Variants in ACACA observed in about 807,000 individuals in gnomAD.
ACACA encodes the protein acetyl-CoA carboxylase 1.
Under a neutral mutation model 296.1 loss-of-function variants are expected in ACACA, and 103 were observed. The ratio of observed to expected loss-of-function variants is 0.35; its 90% CI spans 0.30 to 0.41. The LOEUF is 0.41. ACACA is among the 10% of genes least tolerant of loss of function. ACACA has a pLI of 1.00. For missense variants in ACACA, 1,554 were observed against 2,989.7 expected (o/e 0.52, Z 11.20); for synonymous variants, 953 against 1,038.6 (o/e 0.92, Z 1.58).
At chr17:37,284,697 G>A in intron 4 of ACACA, 141 bp downstream of exon 4, 1 of 995,118 alleles carries the variant, frequency 1.0e-6, no homozygotes. Context: ...TGCTAGGGAG[G>A]CAGAAAGGCT....
chr17:37,261,332 G>C (rs1030290847), intron 11 of ACACA, among the ~76,000 whole-genome samples: 1 of 152,232 alleles, frequency 6.6e-6, no homozygotes, highest in African/African-American at 2.4e-5. Context: ...GCTAAGCACA[G>C]AAGCCAGTAA....
intron 35 of ACACA, among the ~76,000 whole-genome samples, chr17:37,199,204 C>T (rs2078136774): frequency 6.7e-6 from 1 of 149,450 alleles, no homozygotes; most frequent in African/African-American, 2.5e-5. Context: ...TGCGCCACTG[C>T]ACTCCAGCCT....
chr17:37,176,783 A>T (rs1486332917), intron 41 of ACACA, among the ~76,000 whole-genome samples: 1 of 152,152 alleles, frequency 6.6e-6, no homozygotes, highest in Non-Finnish European at 1.5e-5. Context: ...AGCTATTGGT[A>T]GCAGAGTTTG....
At chr17:37,168,598 T>G (rs2076771771) in intron 41 of ACACA, among the ~76,000 whole-genome samples, 2 of 152,152 alleles carry the variant, frequency 1.3e-5, no homozygotes, top group South Asian at 4.1e-4. Context: ...GAACTAATTC[T>G]AGATTTTAGT....
chr17:37,295,576 G>A (rs573011139), intron 3 of ACACA, among the ~76,000 whole-genome samples: 4 of 152,122 alleles, frequency 2.6e-5, no homozygotes, highest in African/African-American at 9.6e-5. Flanking sequence ...ATAACATGAG[G>A]TCAGGAGTTC....
chr17:37,313,406 CAACA>C (rs2046941378), intron 3 of ACACA, among the ~76,000 whole-genome samples: 1 of 151,946 alleles, frequency 6.6e-6, no homozygotes, highest in Non-Finnish European at 1.5e-5. Context: ...ATTTTCATTT[CAACA>C]AACAGTATCT....
intron 44 of ACACA, among the ~76,000 whole-genome samples, chr17:37,150,987 G>A (rs1257640649): frequency 6.6e-6 from 1 of 151,986 alleles, no homozygotes; most frequent in African/African-American, 2.4e-5. Context: ...GGGAGGCGGA[G>A]GTTGCAGTGA....
At chr17:37,358,872 T>G (rs1482304551) in intron 1 of ACACA, 2 of 868,550 alleles carry the variant, frequency 2.3e-6, no homozygotes, top group Non-Finnish European at 2.8e-6. Flanking sequence ...ATCTGGATAG[T>G]GTGGAGCCCA....
At chr17:37,330,525 G>A in intron 2 of ACACA, 100 bp from the exon 3 acceptor site, 3 of 1,474,626 alleles carry the variant, frequency 2.0e-6, no homozygotes, top group Non-Finnish European at 2.8e-6. Flanking sequence ...CTGAGACGTG[G>A]AAGCAAGGCA....
chr17:37,181,354 G>T lies in ACACA; in HGVS notation c.4779C>A (p.Ile1593=), dbSNP rs763027565. ...GTTTGTCTCCATATGCCTGAAACAT[G>T]ATCTGCAGGAAAAAAAAATGGCATG... ...KEVTDSRTAQ[I]MFQAYGDKQG... The change falls in exon 40 of 56, where the codon ATC becomes ATA. Residue 1593 remains isoleucine (I), a splice_region_variant and synonymous_variant. Transcript: ENST00000616317. 5.6e-6 allele frequency: 9 copies of T among 1,613,430 alleles called. No homozygotes were observed. The highest frequency in any genetic ancestry group is 1.6e-4 in the Middle Eastern group (1 of 6,078).
chr17:37,191,955 C>T (rs1361651892), intron 37 of ACACA, 135 bp downstream of exon 37: 2 of 909,290 alleles, frequency 2.2e-6, no homozygotes, highest in African/African-American at 3.4e-5. Flanking sequence ...GAACAAGAAC[C>T]TTGATTCAAA....
intron 45 of ACACA, among the ~76,000 whole-genome samples, chr17:37,135,310 G>A (rs767855784): frequency 2.0e-5 from 3 of 152,190 alleles, no homozygotes; most frequent in Non-Finnish European, 4.4e-5. Flanking sequence ...TAGGCAAAGC[G>A]TTATAATTTT....
intron 11 of ACACA, among the ~76,000 whole-genome samples, chr17:37,260,272 ATATATATATATATATATATATATATTTTT>A (rs1356279533): frequency 8.0e-5 from 2 of 25,132 alleles, no homozygotes; most frequent in African/African-American, 2.3e-4. Context: ...ATATATATAT[ATATATATATATATATATATATATATTTTT>A]TTTTTTTTTT....
chr17:37,299,871 C>T (rs1426070805), intron 3 of ACACA: 1 of 888,770 alleles, frequency 1.1e-6, no homozygotes, highest in Admixed American at 6.0e-5. Flanking sequence ...AGGAGCACAG[C>T]TCGGTCTAAA....
chr17:37,122,794 A>G (rs2074592139), intron 48 of ACACA, 167 bp from the exon 49 acceptor site: 2 of 702,138 alleles, frequency 2.8e-6, no homozygotes, highest in East Asian at 2.7e-5. Flanking sequence ...TACGGATTTG[A>G]TATTTACTCT....
intron 2 of ACACA, among the ~76,000 whole-genome samples, chr17:37,332,607 C>CAAAAAA (rs35940399): frequency 1.6e-5 from 1 of 63,852 alleles, no homozygotes. Context: ...CCCATCTGTA[C>CAAAAAA]AAAAAAAAAA....
rs201086587 is a variant in ACACA, at chr17:37,212,904, C to CAA, written c.3684-2416_3684-2415dup. Among the ~76,000 whole-genome samples the CAA allele has an allele frequency of 6.9e-3, 807 of 117,236 alleles. 6 individuals are homozygous for CAA. Among genetic ancestry groups the CAA allele is most frequent in the African/African-American group, 0.022 (726 of 32,590 alleles). The allele number at this position is 117,236 out of a possible 152,430, so 76.9% of individuals were successfully genotyped here. ...AGAAAGCTAGATTAACACTCTGTAC[C>CAA]AAAAAAAAAAAAAAGCCACACACAC... is the stretch of plus-strand genomic sequence containing the variant. On this transcript the variant is annotated intron_variant, in intron 29 of 55. Transcript: ENST00000616317.
intron 29 of ACACA, among the ~76,000 whole-genome samples, chr17:37,213,382 A>G (rs2078845709): frequency 6.6e-6 from 1 of 151,796 alleles, no homozygotes; most frequent in African/African-American, 2.4e-5. Flanking sequence ...AAAATTGCTC[A>G]ATCTTTGATA....
At chr17:37,226,707 A>G (rs2079558783) in intron 25 of ACACA, among the ~76,000 whole-genome samples, 1 of 152,204 alleles carries the variant, frequency 6.6e-6, no homozygotes, top group Non-Finnish European at 1.5e-5. Flanking sequence ...CTATACTTTT[A>G]ACACGCAGAA....
Sources: allele counts gnomAD v4.1 joint callset (sites outside exome capture counted in the v4.1 genomes callset), GRCh38; gene constraint gnomAD v4.1.1; transcripts MANE v1.5; gene names NCBI Gene and HGNC (gene_info 2026-07-23, HGNC 2026-07-21).